The following CNTNAP2 variants were observed in gnomAD, a reference collection of about 807,000 sequenced individuals.
CNTNAP2 encodes contactin-associated protein-like 2.
CNTNAP2 carries 98 observed loss-of-function variants against 155.2 expected under a neutral mutation model. The observed-to-expected ratio is 0.63, with a 90% CI of 0.54 to 0.75. The LOEUF is 0.75. Ranked by LOEUF, CNTNAP2 falls within the 30% of genes least tolerant of loss-of-function variation. The pLI, the probability that CNTNAP2 is intolerant of heterozygous loss-of-function variation, is 0.00. For synonymous variants in CNTNAP2, 651 were observed against 631.2 expected, an observed-to-expected ratio of 1.03 and a Z score of -0.47; for missense variants, 1,727 against 1,688.1, an observed-to-expected ratio of 1.02 and a Z score of -0.40.
At chr7:147,016,824 T>A (rs1161230176) in intron 3 of CNTNAP2, among the ~76,000 whole-genome samples, 1 of 151,848 alleles carries the variant, frequency 6.6e-6, no homozygotes, top group Non-Finnish European at 1.5e-5. Context: ...TACAGCTGGA[T>A]CCTGTAGAGA....
rs147617615 is a variant in CNTNAP2 at position 147,854,754 on chromosome 7, A to G, written c.2099-48811A>G. On this transcript the variant is annotated intron_variant, in intron 13 of 23. Transcript: ENST00000361727. ...TTTAAAAACTGATTCTCAATTCACTATTGGAAGACTTTGAAGTCTACTTGA... is the reference window on the plus strand; with the variant it reads ...TTTAAAAACTGATTCTCAATTCACTGTTGGAAGACTTTGAAGTCTACTTGA... Among the ~76,000 whole-genome samples, 9 of 152,306 alleles carry G rather than the reference A, an allele frequency of 5.9e-5. No individual in the cohort carries two copies. The East Asian group carries it at 1.5e-3, about 26-fold the overall frequency.
chr7:146,947,023 A>C (rs1797191594), intron 3 of CNTNAP2, among the ~76,000 whole-genome samples: 1 of 151,676 alleles, frequency 6.6e-6, no homozygotes, highest in Non-Finnish European at 1.5e-5. Context: ...AAAAATATCA[A>C]TTTATTTATT....
At chr7:147,248,635 T>A (rs1382339323) in intron 8 of CNTNAP2, among the ~76,000 whole-genome samples, 1 of 152,232 alleles carries the variant, frequency 6.6e-6, no homozygotes, top group Non-Finnish European at 1.5e-5. Context: ...ACTACTCTAG[T>A]TTGGCAAACA....
chr7:147,113,306 G>C (rs1800920494), intron 5 of CNTNAP2, among the ~76,000 whole-genome samples: 1 of 151,834 alleles, frequency 6.6e-6, no homozygotes, highest in African/African-American at 2.4e-5. Context: ...TACGATTTCT[G>C]GTTGTGTTTA....
intron 13 of CNTNAP2, among the ~76,000 whole-genome samples, chr7:147,645,313 AT>A (rs1424627459): frequency 1.4e-4 from 22 of 152,322 alleles, no homozygotes; most frequent in African/African-American, 4.8e-4. Context: ...GCTGTGCATT[AT>A]AAGAAGCTGC....
At chr7:147,107,150 A>G (rs1584847477) in intron 4 of CNTNAP2, among the ~76,000 whole-genome samples, 1 of 152,290 alleles carries the variant, frequency 6.6e-6, no homozygotes, top group East Asian at 1.9e-4. Flanking sequence ...TGAAGATTTG[A>G]TCATGGTAAC....
intron 18 of CNTNAP2, among the ~76,000 whole-genome samples, chr7:148,174,148 CAATT>C (rs1227352277): frequency 6.6e-6 from 1 of 152,166 alleles, no homozygotes; most frequent in African/African-American, 2.4e-5. Context: ...TCATTTGATT[CAATT>C]AGTGACTTTA....
intron 1 of CNTNAP2, among the ~76,000 whole-genome samples, chr7:146,539,794 G>T (rs1797924033): frequency 6.6e-6 from 1 of 151,984 alleles, no homozygotes; most frequent in African/African-American, 2.4e-5. Context: ...TCTTTTTCTT[G>T]CTTGAGAGTA....
intron 5 of CNTNAP2, among the ~76,000 whole-genome samples, chr7:147,110,450 TCTGCACA>T (rs765202389): frequency 3.9e-5 from 6 of 152,138 alleles, no homozygotes; most frequent in Non-Finnish European, 8.8e-5. Context: ...GTGACGGTTG[TCTGCACA>T]GATCATCCCA....
At chr7:147,728,665 C>A (rs549313582) in intron 13 of CNTNAP2, among the ~76,000 whole-genome samples, 5 of 151,784 alleles carry the variant, frequency 3.3e-5, no homozygotes, top group African/African-American at 1.2e-4. Context: ...GCAATGTATG[C>A]GATAATAATA....
Position 146,980,928 on chromosome 7 carries a change from C to T in CNTNAP2, c.403-62979C>T, listed in dbSNP as rs372229216. ...ACATTCAGCTACTGAGTGTGGAAAA[C>T]AGACAAGAGAAGTCACAACTGCTTT... is the stretch of plus-strand genomic sequence containing the variant. On this transcript the variant is annotated intron_variant, in intron 3 of 23. Coordinates refer to ENST00000361727, the MANE Select transcript of CNTNAP2 (RefSeq NM_014141.6). 3.9e-5 allele frequency among the ~76,000 whole-genome samples: 6 copies of T among 152,230 alleles called. No homozygotes were observed. The East Asian group carries it at 5.8e-4, about 15-fold the overall frequency.
At chr7:146,925,867 A>C (rs1796597924) in intron 3 of CNTNAP2, among the ~76,000 whole-genome samples, 2 of 152,108 alleles carry the variant, frequency 1.3e-5, no homozygotes, top group Admixed American at 6.6e-5. Context: ...TTCCGAACAC[A>C]CTGACAATTC....
Position 147,366,392 on chromosome 7 carries a change from A to C in CNTNAP2, c.1499-29217A>C, listed in dbSNP as rs566078259. The stretch of plus-strand genomic sequence containing the variant: ...TCAGTTTTCTATTTTAGTAGACTGT[A>C]ATTTTTTTCATAATTTTCATAAAAT... On this transcript the variant is annotated intron_variant, in intron 9 of 23. Coordinates refer to ENST00000361727, the MANE Select transcript of CNTNAP2 (RefSeq NM_014141.6). 2.0e-5 allele frequency among the ~76,000 whole-genome samples: 3 copies of C among 152,068 alleles called. No homozygotes were observed. In the South Asian group the frequency reaches 6.2e-4, roughly 32 times the overall value.
intron 14 of CNTNAP2, chr7:147,940,315 A>AAAAAAAAC (rs1800695992): frequency 6.6e-6 from 1 of 150,658 alleles, no homozygotes; most frequent in Non-Finnish European, 1.5e-5. Flanking sequence ...AAAAAAAAAA[A>AAAAAAAAC]AAAAAAAAAT....
intron 9 of CNTNAP2, among the ~76,000 whole-genome samples, chr7:147,332,809 C>G (rs1795595651): frequency 6.6e-6 from 1 of 152,082 alleles, no homozygotes; most frequent in Non-Finnish European, 1.5e-5. Context: ...CTGTAGTGAG[C>G]CGAAATCATG....
intron 10 of CNTNAP2, among the ~76,000 whole-genome samples, chr7:147,417,531 CG>C (rs1797215557): frequency 6.6e-6 from 1 of 152,088 alleles, no homozygotes; most frequent in Admixed American, 6.5e-5. Flanking sequence ...TGAATTTTGG[CG>C]GGGACATAAA....
At chr7:147,494,707 G>A (rs1350490489) in intron 11 of CNTNAP2, among the ~76,000 whole-genome samples, 5 of 152,066 alleles carry the variant, frequency 3.3e-5, no homozygotes, top group African/African-American at 1.2e-4. Context: ...TTGTCAGGTT[G>A]AATTAAGGAA....
chr7:148,082,370 A>T (rs996725118), intron 15 of CNTNAP2, among the ~76,000 whole-genome samples: 7 of 152,246 alleles, frequency 4.6e-5, no homozygotes, highest in African/African-American at 1.7e-4. Context: ...GGAAAATCCA[A>T]GCTAGTGAGG....
At chr7:147,818,272 G>T (rs1798307330) in intron 13 of CNTNAP2, among the ~76,000 whole-genome samples, 1 of 152,140 alleles carries the variant, frequency 6.6e-6, no homozygotes, top group Non-Finnish European at 1.5e-5. Flanking sequence ...CATTGATAAA[G>T]TTCCTTTCTC....
Sources: gnomAD v4.1 joint callset for allele counts (sites outside exome capture counted in the v4.1 genomes callset) on GRCh38, gnomAD v4.1.1 for gene constraint, MANE v1.5 for transcripts, NCBI Gene and HGNC (gene_info 2026-07-23, HGNC 2026-07-21) for gene names.